DAB1: variants seen among roughly 807,000 people sequenced by gnomAD.
DAB1 encodes the protein disabled homolog 1.
A neutral mutation model predicts 64.6 loss-of-function variants in DAB1; 15 were observed. That is an observed-to-expected ratio of 0.23 (90% CI 0.16 to 0.36). DAB1 has a LOEUF of 0.36. Ranked by LOEUF, DAB1 falls within the 10% of genes least tolerant of loss-of-function variation. DAB1 has a pLI of 1.00. For synonymous variants in DAB1, 235 were observed against 251.9 expected (o/e 0.93, Z 0.64); for missense variants, 596 against 706.7 (o/e 0.84, Z 1.78).
At chr1:58,113,171 A>G (rs1447849238) in intron 5 of DAB1, among the ~76,000 whole-genome samples, 1 of 152,188 alleles carries the variant, frequency 6.6e-6, no homozygotes, top group Non-Finnish European at 1.5e-5. Flanking sequence ...AAGTCAGGAA[A>G]TGCTTCCTGG....
At chr1:57,755,597 T>C (rs1431099430) in intron 6 of DAB1, among the ~76,000 whole-genome samples, 1 of 152,228 alleles carries the variant, frequency 6.6e-6, no homozygotes, top group African/African-American at 2.4e-5. Flanking sequence ...CTTTAAACTT[T>C]CAGCATTTCT....
At chr1:57,407,878 T>C (rs1683781559) in intron 1 of DAB1, among the ~76,000 whole-genome samples, 1 of 152,016 alleles carries the variant, frequency 6.6e-6, no homozygotes, top group South Asian at 2.1e-4. Context: ...ACCTAGATAT[T>C]CACCCGCTGG....
intron 2 of DAB1, among the ~76,000 whole-genome samples, chr1:57,186,207 A>G (rs548224188): frequency 6.6e-6 from 1 of 152,198 alleles, no homozygotes; most frequent in Non-Finnish European, 1.5e-5. Context: ...ATTACATTAG[A>G]ATGTAAATTC....
chr1:57,526,086 C>G (rs940713931), intron 7 of DAB1, among the ~76,000 whole-genome samples: 1 of 151,854 alleles, frequency 6.6e-6, no homozygotes, highest in Non-Finnish European at 1.5e-5. Flanking sequence ...TATAGGCACC[C>G]GCCACCACAC....
intron 4 of DAB1, among the ~76,000 whole-genome samples, chr1:57,106,284 A>G (rs1655149089): frequency 7.5e-6 from 1 of 133,754 alleles, no homozygotes; most frequent in Non-Finnish European, 1.6e-5. Context: ...TTATCTCTGC[A>G]TTGAATGTTT....
chr1:58,540,070 G>A (rs78526840), intron 1 of DAB1, among the ~76,000 whole-genome samples: 2,313 of 152,240 alleles, frequency 0.015, 54 homozygotes, highest in African/African-American at 0.051. Context: ...ATAATATACA[G>A]GGCTCACACA....
At chr1:57,172,471 T>C (rs1279900777) in intron 2 of DAB1, among the ~76,000 whole-genome samples, 1 of 152,192 alleles carries the variant, frequency 6.6e-6, no homozygotes, top group Non-Finnish European at 1.5e-5. Flanking sequence ...TCTATTTGCA[T>C]TGCTATGAAG....
intron 1 of DAB1, among the ~76,000 whole-genome samples, chr1:57,294,186 A>G (rs1673007849): frequency 6.6e-6 from 1 of 152,194 alleles, no homozygotes; most frequent in Admixed American, 6.5e-5. Context: ...CATTTTCCCC[A>G]GTAAAGGCTG....
At chr1:58,367,781 T>A (rs1052931252) in intron 3 of DAB1, among the ~76,000 whole-genome samples, 7 of 152,154 alleles carry the variant, frequency 4.6e-5, no homozygotes, top group African/African-American at 1.7e-4. Context: ...GGAAGTAAGA[T>A]AATGGTCATG....
intron 4 of DAB1, among the ~76,000 whole-genome samples, chr1:58,311,683 C>T (rs914993339): frequency 6.6e-6 from 1 of 152,138 alleles, no homozygotes; most frequent in African/African-American, 2.4e-5. Flanking sequence ...CTTTCTTCCT[C>T]TTCTCCTTCC....
At chr1:57,396,870 A>G (rs1381469461) in intron 1 of DAB1, among the ~76,000 whole-genome samples, 3 of 152,198 alleles carry the variant, frequency 2.0e-5, no homozygotes, top group African/African-American at 7.2e-5. Flanking sequence ...TGGGATCTTT[A>G]TTATATAGAA....
chr1:57,935,184 T>C (rs1359572565), intron 5 of DAB1, among the ~76,000 whole-genome samples: 1 of 152,120 alleles, frequency 6.6e-6, no homozygotes, highest in Non-Finnish European at 1.5e-5. Context: ...GAGGGTTTAG[T>C]GGTTAGGGGC....
chr1:57,733,014 G>C (rs1457059450), intron 6 of DAB1, among the ~76,000 whole-genome samples: 1 of 152,156 alleles, frequency 6.6e-6, no homozygotes, highest in Non-Finnish European at 1.5e-5. Context: ...AGTACAATAT[G>C]ACTAGGTGCC....
At chr1:57,329,233 G>C (rs554397518) in intron 1 of DAB1, among the ~76,000 whole-genome samples, 52 of 152,236 alleles carry the variant, frequency 3.4e-4, no homozygotes, top group African/African-American at 1.2e-3. Context: ...AATTAGTGCC[G>C]CAAGAGGAGC....
At chr1:57,669,108 A>G (rs1247765126) in intron 6 of DAB1, among the ~76,000 whole-genome samples, 1 of 152,134 alleles carries the variant, frequency 6.6e-6, no homozygotes, top group African/African-American at 2.4e-5. Flanking sequence ...AGGTACCTGA[A>G]AGGTGCACAG....
chr1:57,942,103 C>T lies in DAB1; in HGVS notation n.388-57941G>A, dbSNP rs568687693. ...GCTCAATATGTGGAGAGTCTGGCTCCCAGGATGCTCTGGGCCAGCTTCGAT... is the reference window on the plus strand; with the variant it reads ...GCTCAATATGTGGAGAGTCTGGCTCTCAGGATGCTCTGGGCCAGCTTCGAT... On this transcript the variant is annotated intron_variant and non_coding_transcript_variant, in intron 5 of 20. Coordinates refer to the DAB1 transcript ENST00000485760. 2.0e-5 allele frequency among the ~76,000 whole-genome samples: 3 copies of T among 152,252 alleles called. No individual in the cohort carries two copies. The East Asian group carries it at 5.8e-4, about 29-fold the overall frequency.
chr1:58,426,708 G>C (rs1210967353), intron 3 of DAB1, among the ~76,000 whole-genome samples: 1 of 151,480 alleles, frequency 6.6e-6, no homozygotes, highest in Non-Finnish European at 1.5e-5. Context: ...TTGTATTCCT[G>C]CAGTGAGCAC....
chr1:58,291,220 C>T (rs1243487534), intron 4 of DAB1, among the ~76,000 whole-genome samples: 4 of 152,176 alleles, frequency 2.6e-5, no homozygotes, highest in Non-Finnish European at 2.9e-5. Context: ...ACAAGCCTTG[C>T]GGCTGCTCAT....
intron 1 of DAB1, among the ~76,000 whole-genome samples, chr1:57,401,612 G>A (rs35511416): frequency 0.014 from 2,131 of 152,282 alleles, 22 homozygotes; most frequent in African/African-American, 0.022. Context: ...ATCACAGTAT[G>A]CATAAAATCA....
Sources: allele counts gnomAD v4.1 joint callset (sites outside exome capture counted in the v4.1 genomes callset), GRCh38; gene constraint gnomAD v4.1.1; transcripts MANE v1.5; gene names NCBI Gene and HGNC (gene_info 2026-07-23, HGNC 2026-07-21).